Variants in OSBPL5 observed in about 807,000 individuals in gnomAD.
OSBPL5 encodes the protein oxysterol-binding protein-related protein 5.
Under a neutral mutation model 111.2 loss-of-function variants are expected in OSBPL5, and 71 were observed. The observed-to-expected ratio is 0.64, with a 90% CI of 0.53 to 0.78. The LOEUF is 0.78. OSBPL5 is among the 30% of genes least tolerant of loss of function. The pLI is 0.00. For synonymous variants in OSBPL5, 549 were observed against 513.9 expected (o/e 1.07, Z -0.93); for missense variants, 1,210 against 1,189.3 (o/e 1.02, Z -0.26).
chr11:3,103,363 G>T, intron 10 of OSBPL5, 43 bp from the exon 11 acceptor site: 3 of 1,531,904 alleles, frequency 2.0e-6, no homozygotes, highest in Non-Finnish European at 1.8e-6. Context: ...TCCGGGGGCC[G>T]TGGGCCACCC....
intron 1 of OSBPL5, among the ~76,000 whole-genome samples, chr11:3,153,364 C>T (rs1846649880): frequency 6.6e-6 from 1 of 152,120 alleles, no homozygotes; most frequent in Non-Finnish European, 1.5e-5. Flanking sequence ...TCATGTAGAC[C>T]TCAAGGTTGC....
At chr11:3,100,055 G>A (rs2134402930) in intron 14 of OSBPL5, 103 bp downstream of exon 14, 1 of 957,852 alleles carries the variant, frequency 1.0e-6, no homozygotes, top group Non-Finnish European at 1.6e-6. Flanking sequence ...GCAGATGAAG[G>A]CGAAGTAAAG....
At chr11:3,108,687 T>C (rs1018913139) in intron 7 of OSBPL5, among the ~76,000 whole-genome samples, 1 of 152,216 alleles carries the variant, frequency 6.6e-6, no homozygotes, top group Non-Finnish European at 1.5e-5. Context: ...GTGACACTGA[T>C]GTCCTGGTGT....
chr11:3,099,884 C>A (rs984210080), intron 14 of OSBPL5, among the ~76,000 whole-genome samples: 4 of 152,162 alleles, frequency 2.6e-5, no homozygotes, highest in African/African-American at 9.7e-5. Flanking sequence ...GCCTGACCAA[C>A]ATGGTGAAAC....
chr11:3,103,328 G>A lies in OSBPL5; in HGVS notation c.1245-8C>T. On this transcript the variant is annotated splice_polypyrimidine_tract_variant and splice_region_variant and intron_variant, in intron 10 of 21. Coordinates refer to ENST00000263650, the MANE Select transcript of OSBPL5 (RefSeq NM_020896.4). ...TCCTCCTCCACCGCAGCCCTGCCAT[G>A]GGGCAGGAGAACGCTGACCCCAGCT... is the stretch of plus-strand genomic sequence containing the variant. The A allele has an allele frequency of 2.5e-6, 4 of 1,600,600 alleles. No individual in the cohort carries two copies. The highest frequency in any genetic ancestry group is 3.4e-6 in the Non-Finnish European group (4 of 1,173,036).
rs369736903 is a variant in OSBPL5 at position 3,093,049 on chromosome 11, G to C, written c.1950C>G (p.Leu650=). The change falls in exon 18 of 22, where the codon CTC becomes CTG. Residue 650 remains leucine, a synonymous_variant. Coordinates refer to ENST00000263650, the MANE Select transcript of OSBPL5 (RefSeq NM_020896.4). ...TGATGGCCCTGGTGACGTGCTGCCAGAGCCTGCGGGCCAGTGACCCATCCT... is the reference window on the plus strand; with the variant it reads ...TGATGGCCCTGGTGACGTGCTGCCACAGCCTGCGGGCCAGTGACCCATCCT... ...EEQTELESER[L]WQHVTRAISK... The C allele has an allele frequency of 7.0e-6, 11 of 1,574,330 alleles. No homozygotes were observed. The highest frequency in any genetic ancestry group is 1.8e-5 in the Admixed American group (1 of 56,890).
Position 3,103,265 on chromosome 11 carries a change from G to A in OSBPL5, c.1300C>T (p.Leu434=). The change falls in exon 11 of 22, where the codon CTG becomes TTG. Residue 434 remains leucine (L), a synonymous_variant. Coordinates refer to ENST00000263650, the MANE Select transcript of OSBPL5 (RefSeq NM_020896.4). ...SRMKLVLRWY[L]SGFYKKPKGI... Reference sequence around the variant, plus strand: ...TTGGGCTTCTTGTAGAAGCCAGACAGGTACCACCGCAGCACCAGCTTCATG... The same window carrying A: ...TTGGGCTTCTTGTAGAAGCCAGACAAGTACCACCGCAGCACCAGCTTCATG... 1 of 1,607,756 alleles carries A rather than the reference G, an allele frequency of 6.2e-7. No homozygotes were observed. Among genetic ancestry groups the A allele is most frequent in the Non-Finnish European group, 8.5e-7 (1 of 1,177,124 alleles).
chr11:3,091,265 G>C (rs895562), intron 19 of OSBPL5, among the ~76,000 whole-genome samples: 17,107 of 152,326 alleles, frequency 0.11, 1,056 homozygotes, highest in Non-Finnish European at 0.14. Context: ...GATGCTCAGG[G>C]GTGGGGAAAA....
intron 1 of OSBPL5, among the ~76,000 whole-genome samples, chr11:3,151,861 C>G (rs532414141): frequency 6.6e-6 from 1 of 152,218 alleles, no homozygotes; most frequent in African/African-American, 2.4e-5. Context: ...TTTGCAGCCC[C>G]GACAGCTGCC....
Position 3,107,853 on chromosome 11 carries a change from C to T in OSBPL5, c.784G>A (p.Gly262Arg). The T allele has an allele frequency of 1.2e-6, 2 of 1,611,000 alleles. No homozygotes were observed. The highest frequency in any genetic ancestry group is 1.1e-5 in the South Asian group (1 of 91,078). ...GAGGGTGATGCGTCTGGCGAGGTCCCTGGCTCCCCGTCTCGGCCCGGCTTG... is the reference window on the plus strand; with the variant it reads ...GAGGGTGATGCGTCTGGCGAGGTCCTTGGCTCCCCGTCTCGGCCCGGCTTG... Reference protein sequence around the residue: ...TCKPGRDGEPGTSPDASPSSL... With the variant: ...TCKPGRDGEPRTSPDASPSSL... Residue 262 changes from glycine (G) to arginine (R), a missense_variant, in exon 8 of 22, where the codon GGG becomes AGG. By Grantham distance (125) the Gly-to-Arg change is moderately radical. Coordinates refer to ENST00000263650, the MANE Select transcript of OSBPL5 (RefSeq NM_020896.4). The surrounding 1 kb of genome is among the most constrained non-coding windows in gnomAD (Gnocchi z 6.1).
In OSBPL5 at chr11:3,113,269, T is replaced by C. The variant is rs1274530216; in HGVS notation, c.692-5324A>G. ...CAGCATATATTTTTGTTTGCATTTATTAATCAAGCAATTTCATACTTATCC... is the reference window on the plus strand; with the variant it reads ...CAGCATATATTTTTGTTTGCATTTACTAATCAAGCAATTTCATACTTATCC... On this transcript the variant is annotated intron_variant, in intron 7 of 21. Transcript: ENST00000263650. The surrounding 1 kb of genome is among the most constrained non-coding windows in gnomAD (Gnocchi z 4.8). Among the ~76,000 whole-genome samples, 1 of 152,248 alleles carries C rather than the reference T, an allele frequency of 6.6e-6. No individual in the cohort carries two copies. The highest frequency in any genetic ancestry group is 1.5e-5 in the Non-Finnish European group (1 of 68,048).
chr11:3,137,808 C>T (rs1845990918), intron 1 of OSBPL5, among the ~76,000 whole-genome samples: 2 of 152,220 alleles, frequency 1.3e-5, no homozygotes, highest in African/African-American at 4.8e-5. Context: ...ACCCTCATCA[C>T]ACACAAACAC....
chr11:3,102,385 G>T, intron 11 of OSBPL5, 104 bp from the exon 12 acceptor site: 1 of 1,030,846 alleles, frequency 9.7e-7, no homozygotes, highest in Non-Finnish European at 1.5e-6. Flanking sequence ...TGGGCTACCC[G>T]CTGCCTGCTG....
Position 3,111,969 on chromosome 11 carries a change from GCA to G in OSBPL5, c.692-4026_692-4025del, listed in dbSNP as rs1491110552. On this transcript the variant is annotated intron_variant, in intron 7 of 21. Transcript: ENST00000263650. ...ACATCCAAGCTGTGTGTGTGTGTGT[GCA>G]TATGTGTGCGCGCATGTGTGTGCAT... Among the ~76,000 whole-genome samples the G allele has an allele frequency of 1.0e-3, 123 of 120,168 alleles. 1 individual carries two copies. Among genetic ancestry groups the G allele is most frequent in the African/African-American group, 3.2e-3 (108 of 34,138 alleles). The allele number at this position is 120,168 out of a possible 152,430, so 78.8% of individuals were successfully genotyped here. A position where few individuals can be genotyped will look rare whatever the true frequency, so the allele number is the denominator to read the frequency against.
At chr11:3,123,515 G>C (rs1223418631) in intron 3 of OSBPL5, among the ~76,000 whole-genome samples, 3 of 152,272 alleles carry the variant, frequency 2.0e-5, no homozygotes, top group African/African-American at 7.2e-5. Context: ...ACCTGGAACG[G>C]AGCCTGCGCC....
At chr11:3,103,648 C>G (rs974679449) in intron 10 of OSBPL5, among the ~76,000 whole-genome samples, 4 of 151,612 alleles carry the variant, frequency 2.6e-5, no homozygotes, top group African/African-American at 9.7e-5. Context: ...GAGCCTGCAG[C>G]CCCCTTCCTG....
intron 5 of OSBPL5, 67 bp from the exon 6 acceptor site, chr11:3,120,691 C>A: frequency 6.4e-7 from 1 of 1,560,670 alleles, no homozygotes; most frequent in South Asian, 1.1e-5. Context: ...ATCTTGATGG[C>A]TTGGCGGGGA....
At chr11:3,103,746 C>T (rs546734889) in intron 10 of OSBPL5, among the ~76,000 whole-genome samples, 3,077 of 44,110 alleles carry the variant, frequency 0.07, 127 homozygotes, top group African/African-American at 0.14. Flanking sequence ...GCCTCTGCAA[C>T]CCTCTTCCAG....
intron 1 of OSBPL5, among the ~76,000 whole-genome samples, chr11:3,159,269 G>GA (rs1264353317): frequency 6.6e-6 from 1 of 152,164 alleles, no homozygotes; most frequent in Admixed American, 6.5e-5. Context: ...GGGGCTGGGG[G>GA]ATCTCACTAC....
Sources: gnomAD v4.1 joint callset for allele counts (sites outside exome capture counted in the v4.1 genomes callset) on GRCh38, gnomAD v4.1.1 for gene constraint, Gnocchi (gnomAD v3.1) non-coding constraint, MANE v1.5 for transcripts, NCBI Gene and HGNC (gene_info 2026-07-23, HGNC 2026-07-21) for gene names.